Variants in CAMK4 observed in about 807,000 individuals in gnomAD.
The protein encoded by CAMK4 is calcium/calmodulin-dependent protein kinase type IV.
A neutral mutation model predicts 44.9 loss-of-function variants in CAMK4; 22 were observed. That is an observed-to-expected ratio of 0.49 (90% confidence interval 0.35 to 0.70). CAMK4 has a LOEUF of 0.70. CAMK4 is among the 30% of genes least tolerant of loss of function. CAMK4 has a pLI of 0.01. For missense variants in CAMK4, 498 were observed against 586.8 expected (o/e 0.85, Z 1.56); for synonymous variants, 218 against 215.4 (o/e 1.01, Z -0.11).
chr5:111,225,298 T>G (rs915148806), intron 1 of CAMK4, among the ~76,000 whole-genome samples: 1 of 152,206 alleles, frequency 6.6e-6, no homozygotes, highest in East Asian at 1.9e-4. Context: ...GCTGGAGTGA[T>G]TTATTTAAAT....
At chr5:111,322,781 C>T (rs1748715147) in intron 1 of CAMK4, among the ~76,000 whole-genome samples, 2 of 151,984 alleles carry the variant, frequency 1.3e-5, no homozygotes, top group Middle Eastern at 6.8e-3. Flanking sequence ...GCATAATAAA[C>T]ATAGAGAATG....
chr5:111,318,989 G>A (rs1275216124), intron 1 of CAMK4, among the ~76,000 whole-genome samples: 2 of 151,826 alleles, frequency 1.3e-5, no homozygotes, highest in African/African-American at 4.8e-5. Flanking sequence ...CTTCTTAGAG[G>A]ATTTAAGACA....
chr5:111,308,801 A>T (rs141485414), intron 1 of CAMK4, among the ~76,000 whole-genome samples: 1 of 152,340 alleles, frequency 6.6e-6, no homozygotes, highest in African/African-American at 2.4e-5. Context: ...AATGAAACCC[A>T]TTATTTATTT....
At chr5:111,375,874 C>G (rs575240780) in intron 3 of CAMK4, among the ~76,000 whole-genome samples, 3 of 152,106 alleles carry the variant, frequency 2.0e-5, no homozygotes, top group African/African-American at 7.2e-5. Context: ...CATCTATATT[C>G]AAAATAGGAA....
Position 111,394,518 on chromosome 5 carries a change from G to A in CAMK4, c.387-192G>A, listed in dbSNP as rs115133628. Among the ~76,000 whole-genome samples, 1,208 of 152,200 alleles carry A rather than the reference G, an allele frequency of 7.9e-3. 16 individuals carry two copies. Among genetic ancestry groups the A allele is most frequent in the African/African-American group, 0.028 (1,156 of 41,546 alleles). On this transcript the variant is annotated intron_variant, in intron 4 of 10. Coordinates refer to ENST00000282356, the MANE Select transcript of CAMK4 (RefSeq NM_001744.6). ...TAGTTCAAGCCAAGGAAAAATAAAA[G>A]TATTTCATTTTCCTAAGTAAACTCA...
At chr5:111,336,467 T>C (rs934148122) in intron 1 of CAMK4, among the ~76,000 whole-genome samples, 2 of 128,258 alleles carry the variant, frequency 1.6e-5, no homozygotes, top group African/African-American at 6.3e-5. Flanking sequence ...TAATTTCAAT[T>C]AATAATATAG....
intron 1 of CAMK4, among the ~76,000 whole-genome samples, chr5:111,261,809 G>C (rs1258928826): frequency 2.0e-5 from 3 of 152,034 alleles, no homozygotes; most frequent in Non-Finnish European, 4.4e-5. Flanking sequence ...CTCCCCTTGT[G>C]AACCAGTTTA....
At chr5:111,422,289 T>G (rs1753061223) in intron 5 of CAMK4, among the ~76,000 whole-genome samples, 1 of 152,208 alleles carries the variant, frequency 6.6e-6, no homozygotes, top group African/African-American at 2.4e-5. Context: ...ATACTTGAAG[T>G]TCAGTAACGA....
chr5:111,228,072 C>T (rs948664125), intron 1 of CAMK4, among the ~76,000 whole-genome samples: 5 of 152,136 alleles, frequency 3.3e-5, no homozygotes, highest in Admixed American at 6.5e-5. Context: ...GTGCAGATTT[C>T]GTCTGTGCAT....
At chr5:111,300,311 C>T (rs1254460618) in intron 1 of CAMK4, among the ~76,000 whole-genome samples, 1 of 152,168 alleles carries the variant, frequency 6.6e-6, no homozygotes, top group Non-Finnish European at 1.5e-5. Context: ...TGTTAAGATG[C>T]TTACATTTTT....
intron 7 of CAMK4, among the ~76,000 whole-genome samples, chr5:111,465,144 T>C (rs1012875036): frequency 6.6e-6 from 1 of 152,092 alleles, no homozygotes; most frequent in Admixed American, 6.6e-5. Flanking sequence ...TTCCTTTTCT[T>C]CTCTCTGGCC....
Position 111,484,109 on chromosome 5 carries a change from T to C in CAMK4, c.1065T>C (p.Ala355=). The change falls in exon 11 of 11, where the codon GCT becomes GCC. Residue 355 remains alanine, a synonymous_variant. Coordinates refer to ENST00000282356, the MANE Select transcript of CAMK4 (RefSeq NM_001744.6). This position sits in a 1 kb window ranked among gnomAD's most constrained non-coding sequence, Gnocchi z 5.3. ...SHGSIQESHK[A]SRDPSPIQDG... ...GCAGCATCCAGGAGAGCCACAAGGC[T>C]AGCCGAGACCCTTCTCCAATCCAAG... 1 of 1,614,082 alleles carries C rather than the reference T, an allele frequency of 6.2e-7. No individual in the cohort carries two copies. The highest frequency in any genetic ancestry group is 2.2e-5 in the East Asian group (1 of 44,884).
At chr5:111,300,019 G>A (rs1285122434) in intron 1 of CAMK4, among the ~76,000 whole-genome samples, 1 of 152,094 alleles carries the variant, frequency 6.6e-6, no homozygotes, top group Non-Finnish European at 1.5e-5. Context: ...CTATATCTGG[G>A]TTCTAACTCA....
At chr5:111,282,647 C>G (rs1422472199) in intron 1 of CAMK4, among the ~76,000 whole-genome samples, 1 of 152,132 alleles carries the variant, frequency 6.6e-6, no homozygotes, top group Non-Finnish European at 1.5e-5. Flanking sequence ...GGTTACCATT[C>G]TTACTTAAGT....
intron 1 of CAMK4, chr5:111,283,107 TAA>T (rs554405506): frequency 1.8e-4 from 28 of 152,326 alleles, no homozygotes; most frequent in African/African-American, 6.5e-4. Flanking sequence ...CACAACATCA[TAA>T]AGTCAAAATT....
At chr5:111,284,663 C>G (rs934795721) in intron 1 of CAMK4, among the ~76,000 whole-genome samples, 1 of 152,092 alleles carries the variant, frequency 6.6e-6, no homozygotes, top group Non-Finnish European at 1.5e-5. Context: ...TTTAAAGGCC[C>G]GTAATAGGCA....
At chr5:111,355,042 A>T (rs1458113662) in intron 2 of CAMK4, among the ~76,000 whole-genome samples, 1 of 152,094 alleles carries the variant, frequency 6.6e-6, no homozygotes, top group Admixed American at 6.6e-5. Context: ...CTTCTTACTG[A>T]TGTGCTCTGG....
In CAMK4 at chr5:111,290,243, T is replaced by C. The variant is rs987763095; in HGVS notation, c.162-53781T>C. 3.3e-5 allele frequency among the ~76,000 whole-genome samples: 5 copies of C among 152,182 alleles called. No homozygotes were observed. Among genetic ancestry groups the C allele is most frequent in the Admixed American group, 3.3e-4 (5 of 15,274 alleles). On this transcript the variant is annotated intron_variant, in intron 1 of 10. Transcript: ENST00000282356. The surrounding 1 kb of genome is among the most constrained non-coding windows in gnomAD (Gnocchi z 4.5). Reference sequence around the variant, plus strand: ...GATGGTGTTATAACTGGCCATTTCATTGTGCTGTTAGGCCACCTGCTTCTA... The same window carrying C: ...GATGGTGTTATAACTGGCCATTTCACTGTGCTGTTAGGCCACCTGCTTCTA...
intron 1 of CAMK4, among the ~76,000 whole-genome samples, chr5:111,327,138 C>A (rs1748928417): frequency 6.6e-6 from 1 of 151,376 alleles, no homozygotes; most frequent in African/African-American, 2.4e-5. Flanking sequence ...AGGTATATCT[C>A]CTAATGCTAT....
Sources: allele counts gnomAD v4.1 joint callset (sites outside exome capture counted in the v4.1 genomes callset), GRCh38; gene constraint gnomAD v4.1.1; non-coding constraint Gnocchi (gnomAD v3.1); transcripts MANE v1.5; gene names NCBI Gene and HGNC (gene_info 2026-07-23, HGNC 2026-07-21).